The following ARHGAP10 variants were observed in gnomAD, a reference collection of about 807,000 sequenced individuals.
The protein encoded by ARHGAP10 is rho GTPase-activating protein 10.
A neutral mutation model predicts 108.6 loss-of-function variants in ARHGAP10; 87 were observed. That is an observed-to-expected ratio of 0.80 (90% CI 0.67 to 0.96). ARHGAP10 has a LOEUF of 0.96. Among genes scored for constraint, ARHGAP10 ranks in the 40% least tolerant of loss-of-function variants. ARHGAP10 has a pLI of 0.00. For synonymous variants in ARHGAP10, 347 were observed against 341.1 expected (o/e 1.02, Z -0.19); for missense variants, 939 against 954.5 (o/e 0.98, Z 0.21).
chr4:147,814,053 T>A (rs1732135290), intron 1 of ARHGAP10, among the ~76,000 whole-genome samples: 1 of 152,186 alleles, frequency 6.6e-6, no homozygotes, highest in Non-Finnish European at 1.5e-5. Flanking sequence ...AATTTGCAAA[T>A]CTGGACCCCT....
intron 22 of ARHGAP10, 94 bp downstream of exon 22, chr4:148,064,601 G>T: frequency 1.8e-6 from 2 of 1,128,444 alleles, no homozygotes; most frequent in Non-Finnish European, 2.6e-6. Context: ...TGCTGTTGTC[G>T]GGAGGGCGAG....
chr4:147,975,117 A>C (rs1425732382), intron 18 of ARHGAP10, among the ~76,000 whole-genome samples: 1 of 152,242 alleles, frequency 6.6e-6, no homozygotes, highest in African/African-American at 2.4e-5. Flanking sequence ...TTTCATGTAC[A>C]TTAAACATTT....
At chr4:148,039,801 A>G (rs1728554044) in intron 19 of ARHGAP10, among the ~76,000 whole-genome samples, 1 of 152,074 alleles carries the variant, frequency 6.6e-6, no homozygotes, top group South Asian at 2.1e-4. Flanking sequence ...TCAGTCCTTT[A>G]TAATTGAGGT....
chr4:147,885,167 C>G (rs1273598863), intron 10 of ARHGAP10, among the ~76,000 whole-genome samples: 1 of 152,024 alleles, frequency 6.6e-6, no homozygotes, highest in Non-Finnish European at 1.5e-5. Flanking sequence ...TGGGGGAAGA[C>G]AGTAAAATTA....
chr4:147,881,993 A>G, intron 10 of ARHGAP10, 61 bp downstream of exon 10: 1 of 1,508,982 alleles, frequency 6.6e-7, no homozygotes, highest in Non-Finnish European at 9.2e-7. Context: ...GATTTAAAAA[A>G]ATAGAGGTTA....
At chr4:147,835,312 A>C (rs938820730) in intron 3 of ARHGAP10, among the ~76,000 whole-genome samples, 3 of 152,182 alleles carry the variant, frequency 2.0e-5, no homozygotes, top group African/African-American at 7.2e-5. Flanking sequence ...TGGAAAGAAA[A>C]GCTTTTGTCA....
chr4:147,925,175 C>T (rs1466947295), intron 13 of ARHGAP10, among the ~76,000 whole-genome samples: 1 of 152,258 alleles, frequency 6.6e-6, no homozygotes, highest in Non-Finnish European at 1.5e-5. Context: ...AAGAACACCA[C>T]GGTTTTCAGA....
chr4:147,818,261 G>A (rs1237952142), intron 1 of ARHGAP10, among the ~76,000 whole-genome samples: 1 of 151,282 alleles, frequency 6.6e-6, no homozygotes, highest in East Asian at 1.9e-4. Flanking sequence ...TAGAGCAGGC[G>A]CTCAATAAAG....
At chr4:147,884,597 G>A (rs2126876498) in intron 10 of ARHGAP10, among the ~76,000 whole-genome samples, 1 of 152,272 alleles carries the variant, frequency 6.6e-6, no homozygotes, top group Admixed American at 6.5e-5. Flanking sequence ...TCCTGGCAGG[G>A]GGACCTAATC....
At chr4:147,810,842 C>G (rs80226866) in intron 1 of ARHGAP10, among the ~76,000 whole-genome samples, 1,775 of 152,316 alleles carry the variant, frequency 0.012, 29 homozygotes, top group African/African-American at 0.039. Context: ...ATGACAGGGT[C>G]TGTCACTTCA....
chr4:147,937,876 G>C (rs945336125), intron 13 of ARHGAP10, among the ~76,000 whole-genome samples: 4 of 152,222 alleles, frequency 2.6e-5, no homozygotes, highest in Admixed American at 2.6e-4. Flanking sequence ...CTACTTGGGA[G>C]GCTGAGACAG....
intron 13 of ARHGAP10, among the ~76,000 whole-genome samples, chr4:147,914,037 G>C (rs565318614): frequency 7.9e-5 from 12 of 152,076 alleles, no homozygotes; most frequent in African/African-American, 2.4e-4. Context: ...CTATAATCGC[G>C]GCTACTCGGG....
chr4:147,732,272 C>G lies in ARHGAP10; in HGVS notation c.-30C>G. On this transcript the variant is annotated 5_prime_UTR_variant, in exon 1 of 23. Transcript: ENST00000336498. The stretch of plus-strand genomic sequence containing the variant: ...CTCGGCTCGGGCAGGAGCGCGCGGC[C>G]GTGCGCACCGCGCAGCGACCGCTGC... 9 of 1,555,320 alleles carry G rather than the reference C, an allele frequency of 5.8e-6. No individual in the cohort carries two copies. Among genetic ancestry groups the G allele is most frequent in the Non-Finnish European group, 6.9e-6 (8 of 1,157,846 alleles).
At chr4:148,014,573 T>C (rs1160854619) in intron 18 of ARHGAP10, among the ~76,000 whole-genome samples, 2 of 152,238 alleles carry the variant, frequency 1.3e-5, no homozygotes, top group Non-Finnish European at 2.9e-5. Flanking sequence ...TTATCAAAGT[T>C]ATTATTCCTT....
chr4:147,976,993 A>G (rs931502864), intron 18 of ARHGAP10, among the ~76,000 whole-genome samples: 2 of 152,324 alleles, frequency 1.3e-5, no homozygotes, highest in African/African-American at 4.8e-5. Flanking sequence ...ATTTATAATA[A>G]TGAGAACATG....
At chr4:147,819,739 A>G (rs937695744) in intron 1 of ARHGAP10, among the ~76,000 whole-genome samples, 11 of 152,004 alleles carry the variant, frequency 7.2e-5, no homozygotes, top group African/African-American at 2.7e-4. Flanking sequence ...TTGTATTTCT[A>G]GTAGAGATGG....
intron 18 of ARHGAP10, among the ~76,000 whole-genome samples, chr4:148,008,391 G>C (rs565942128): frequency 1.3e-5 from 2 of 152,070 alleles, no homozygotes; most frequent in Admixed American, 1.3e-4. Context: ...TAGTTTTAAA[G>C]TGGTGGATCT....
At chr4:147,759,442 C>T (rs969498504) in intron 1 of ARHGAP10, among the ~76,000 whole-genome samples, 2 of 152,010 alleles carry the variant, frequency 1.3e-5, no homozygotes, top group Non-Finnish European at 2.9e-5. Flanking sequence ...GGTGTAATGG[C>T]ATGTGCCTGT....
intron 20 of ARHGAP10, among the ~76,000 whole-genome samples, chr4:148,059,475 T>A (rs778825154): frequency 6.7e-5 from 10 of 149,034 alleles, no homozygotes; most frequent in African/African-American, 9.9e-5. Context: ...ATAAATAGAT[T>A]TTTTAAATGT....
Sources: allele counts gnomAD v4.1 joint callset (sites outside exome capture counted in the v4.1 genomes callset), GRCh38; gene constraint gnomAD v4.1.1; transcripts MANE v1.5; gene names NCBI Gene and HGNC (gene_info 2026-07-23, HGNC 2026-07-21).